Variants in TMEM263 observed in about 807,000 individuals in gnomAD.
TMEM263 encodes UPF0444 transmembrane protein C12orf23.
A neutral mutation model predicts 8.6 loss-of-function variants in TMEM263; 5 were observed. That is an observed-to-expected ratio of 0.58 (90% CI 0.31 to 1.23). The LOEUF is 1.23. TMEM263 is among the 50% of genes most tolerant of loss of function. The pLI is 0.07. For missense variants in TMEM263, 104 were observed against 138.8 expected, an observed-to-expected ratio of 0.75 and a Z score of 1.26; for synonymous variants, 50 against 47.9, an observed-to-expected ratio of 1.04 and a Z score of -0.18.
At position 106,971,369 on chromosome 12, in the gene TMEM263, A is replaced by G; in HGVS notation, c.329A>G (p.Lys110Arg). 6.2e-7 allele frequency: 1 copy of G among 1,609,948 alleles called. No homozygotes were observed. Among genetic ancestry groups the G allele is most frequent in the Non-Finnish European group, 8.5e-7 (1 of 1,177,446 alleles). ...GTAAACAAAGTGCCCTTAACAGGAA[A>G]GAAGAAAGACAAATCTGACTGAAAT... Reference protein sequence around the residue: ...AVVNKVPLTGKKKDKSD With the variant: ...AVVNKVPLTGRKKDKSD The change falls in exon 4 of 4, where the codon AAG becomes AGG. Residue 110 changes from lysine to arginine, a missense_variant. Lys to Arg is a conservative substitution (Grantham distance 26, BLOSUM62 2). Transcript: ENST00000280756.
chr12:106,973,605 CAGTT>C lies in TMEM263; in HGVS notation c.*2220_*2223del, dbSNP rs1951957994. 2 of 152,440 alleles carry C rather than the reference CAGTT, an allele frequency of 1.3e-5. No homozygotes were observed. Among genetic ancestry groups the C allele is most frequent in the Middle Eastern group, 3.4e-3 (1 of 294 alleles). 9.4% of individuals were successfully genotyped at this position (152,440 alleles called of 1,614,324 possible). ...GATAGCAGAAAACTGTACAAATGTA[CAGTT>C]AGTTATAGAGGTTCTTGTTGAAATG... On this transcript the variant is annotated 3_prime_UTR_variant, in exon 4 of 4. Coordinates refer to ENST00000280756, the MANE Select transcript of TMEM263 (RefSeq NM_152261.4).
chr12:106,957,164 CCGTGTGTGT>C lies in TMEM263; in HGVS notation c.-7+16_-7+24del. The C allele has an allele frequency of 1.1e-6, 1 of 928,734 alleles. No individual in the cohort carries two copies. Among genetic ancestry groups the C allele is most frequent in the Non-Finnish European group, 1.3e-6 (1 of 796,320 alleles). The allele number at this position is 928,734 out of a possible 1,614,324, so 57.5% of individuals were successfully genotyped here. On this transcript the variant is annotated intron_variant, in intron 2 of 3. Coordinates refer to ENST00000280756, the MANE Select transcript of TMEM263 (RefSeq NM_152261.4). The stretch of plus-strand genomic sequence containing the variant: ...AACACCAACAGGTAAACGCGCGCGC[CCGTGTGTGT>C]GTGTGTGTGTGTGTGTGTGTGTGTG...
At chr12:106,971,051 T>C in intron 3 of TMEM263, 54 bp from the exon 4 acceptor site, 1 of 1,582,602 alleles carries the variant, frequency 6.3e-7, no homozygotes. Flanking sequence ...TGTACTGCTC[T>C]TTTAAAGACT....
Position 106,972,103 on chromosome 12 carries a change from G to C in TMEM263, c.*712G>C, listed in dbSNP as rs187176420. Reference sequence around the variant, plus strand: ...TAGTTTTCCCTTTTTAGAATCTCAGGAGTAGTGGGGTAAAGACATTTCCTG... The same window carrying C: ...TAGTTTTCCCTTTTTAGAATCTCAGCAGTAGTGGGGTAAAGACATTTCCTG... On this transcript the variant is annotated 3_prime_UTR_variant, in exon 4 of 4. Transcript: ENST00000280756. 4.6e-5 allele frequency: 7 copies of C among 152,672 alleles called. No individual in the cohort carries two copies. The highest frequency in any genetic ancestry group is 6.5e-5 in the Admixed American group (1 of 15,292). 9.5% of individuals were successfully genotyped at this position (152,672 alleles called of 1,614,324 possible). A position where few individuals can be genotyped will look rare whatever the true frequency, so the allele number is the denominator to read the frequency against.
chr12:106,971,780 T>A lies in TMEM263; in HGVS notation c.*389T>A, dbSNP rs1951925494. ...GCCCCTTAAGAAGGGAACCTTGAATTACATAAGCCGTACCTTTGATGTGCC... is the reference window on the plus strand; with the variant it reads ...GCCCCTTAAGAAGGGAACCTTGAATAACATAAGCCGTACCTTTGATGTGCC... On this transcript the variant is annotated 3_prime_UTR_variant, in exon 4 of 4. Coordinates refer to ENST00000280756, the MANE Select transcript of TMEM263 (RefSeq NM_152261.4). The A allele has an allele frequency of 6.2e-6, 1 of 160,584 alleles. No individual in the cohort carries two copies. 9.9% of individuals were successfully genotyped at this position (160,584 alleles called of 1,614,324 possible). A position where few individuals can be genotyped will look rare whatever the true frequency, so the allele number is the denominator to read the frequency against.
rs1360681217 is a variant in TMEM263, at chr12:106,973,483, T to C, written c.*2092T>C. ...ATTGCTTGAGGAAAAATGGTTGTAA[T>C]TAATTTCTGCTACAGAAAAGCCACC... On this transcript the variant is annotated 3_prime_UTR_variant, in exon 4 of 4. Transcript: ENST00000280756. 3.3e-5 allele frequency: 5 copies of C among 152,626 alleles called. No homozygotes were observed. In the East Asian group the frequency reaches 9.6e-4, roughly 29 times the overall value. The allele number at this position is 152,626 out of a possible 1,614,324, so 9.5% of individuals were successfully genotyped here.
chr12:106,959,510 T>G (rs889902449), intron 2 of TMEM263: 3 of 152,260 alleles, frequency 2.0e-5, no homozygotes, highest in African/African-American at 7.2e-5. Flanking sequence ...TTCAAAGTGC[T>G]GGGATTACAG....
chr12:106,958,385 C>T (rs1212896536), intron 2 of TMEM263, among the ~76,000 whole-genome samples: 2 of 152,020 alleles, frequency 1.3e-5, no homozygotes, highest in Admixed American at 1.3e-4. Flanking sequence ...AACACGTTTC[C>T]CAAGAGGTGT....
At chr12:106,966,889 G>A in intron 2 of TMEM263, 1 of 437,900 alleles carries the variant, frequency 2.3e-6, no homozygotes, top group East Asian at 4.6e-5. Flanking sequence ...TCTTTGGTGA[G>A]TGTTTCACAT....
At chr12:106,968,284 C>T (rs1207781949) in intron 3 of TMEM263, among the ~76,000 whole-genome samples, 1 of 150,956 alleles carries the variant, frequency 6.6e-6, no homozygotes, top group Non-Finnish European at 1.5e-5. Context: ...ACACTTAAGC[C>T]ATAAAGAATT....
intron 3 of TMEM263, 50 bp downstream of exon 3, chr12:106,967,230 G>C: frequency 9.2e-7 from 1 of 1,085,830 alleles, no homozygotes; most frequent in Non-Finnish European, 1.3e-6. Context: ...CTGAATTAAA[G>C]TTCTGATAGT....
chr12:106,958,805 C>G (rs1481593858), intron 2 of TMEM263, among the ~76,000 whole-genome samples: 3 of 152,186 alleles, frequency 2.0e-5, no homozygotes, highest in Non-Finnish European at 2.9e-5. Flanking sequence ...GAGATGAGGT[C>G]TTGCTGTGTT....
chr12:106,972,710 TTTC>T lies in TMEM263; in HGVS notation c.*1322_*1324del, dbSNP rs1951939300. ...TTAATATGATTTAGCTGGAATTCAT[TTTC>T]TTTTCGTTTCATGTTTAATTTCATA... On this transcript the variant is annotated 3_prime_UTR_variant, in exon 4 of 4. Transcript: ENST00000280756. 6.6e-6 allele frequency: 1 copy of T among 152,128 alleles called. No homozygotes were observed. The highest frequency in any genetic ancestry group is 1.9e-4 in the East Asian group (1 of 5,202). 9.4% of individuals were successfully genotyped at this position (152,128 alleles called of 1,614,324 possible).
At chr12:106,961,224 A>ATTTTTTTTTTTTTTTTTTTTTTTTT (rs554707654) in intron 2 of TMEM263, among the ~76,000 whole-genome samples, 1 of 75,128 alleles carries the variant, frequency 1.3e-5, no homozygotes, top group African/African-American at 6.1e-5. Context: ...TGCCCAGTCA[A>ATTTTTTTTTTTTTTTTTTTTTTTTT]TTTTTTTTTT....
At chr12:106,960,724 T>TA (rs1283185715) in intron 2 of TMEM263, among the ~76,000 whole-genome samples, 3 of 151,854 alleles carry the variant, frequency 2.0e-5, no homozygotes, top group Non-Finnish European at 4.4e-5. Context: ...AGTTATCTTT[T>TA]AAAAAAAACA....
chr12:106,956,089 C>T, intron 1 of TMEM263, 24 bp downstream of exon 1: 1 of 971,222 alleles, frequency 1.0e-6, no homozygotes, highest in Non-Finnish European at 1.2e-6. Flanking sequence ...GATGCGAGGG[C>T]AGGGGCGCAG....
In TMEM263 at chr12:106,967,416, A is replaced by C. The variant is rs1951861761; in HGVS notation, c.64+236A>C. The C allele has an allele frequency of 9.0e-6, 3 of 333,390 alleles. No homozygotes were observed. The South Asian group carries it at 1.2e-4, about 13-fold the overall frequency. 20.7% of individuals were successfully genotyped at this position (333,390 alleles called of 1,614,324 possible). Reference sequence around the variant, plus strand: ...TGGGATTACAGGTACCTGCCACCACACCTGGCTAATTTTTTGTATTTTTAG... The same window carrying C: ...TGGGATTACAGGTACCTGCCACCACCCCTGGCTAATTTTTTGTATTTTTAG... On this transcript the variant is annotated intron_variant, in intron 3 of 3. Coordinates refer to ENST00000280756, the MANE Select transcript of TMEM263 (RefSeq NM_152261.4).
chr12:106,965,635 A>G (rs1593467559), intron 2 of TMEM263, among the ~76,000 whole-genome samples: 1 of 151,720 alleles, frequency 6.6e-6, no homozygotes, highest in East Asian at 1.9e-4. Context: ...ACACAAAAAT[A>G]AAGTATCACA....
intron 2 of TMEM263, among the ~76,000 whole-genome samples, chr12:106,965,422 C>A (rs1406031762): frequency 6.6e-6 from 1 of 152,094 alleles, no homozygotes; most frequent in Non-Finnish European, 1.5e-5. Context: ...GCCTGGCCAA[C>A]ATGGTGAAAC....
Sources: gnomAD v4.1 joint callset for allele counts (sites outside exome capture counted in the v4.1 genomes callset) on GRCh38, gnomAD v4.1.1 for gene constraint, MANE v1.5 for transcripts, NCBI Gene and HGNC (gene_info 2026-07-23, HGNC 2026-07-21) for gene names.